Variants in LTF observed in about 807,000 individuals in gnomAD.
LTF encodes the protein lactotransferrin, also known as epididymis luminal protein 110.
A neutral mutation model predicts 87.2 loss-of-function variants in LTF; 91 were observed. The observed-to-expected ratio is 1.04, with a 90% CI of 0.88 to 1.24. The LOEUF (loss-of-function observed/expected upper bound fraction) is 1.24. LTF is among the 50% of genes most tolerant of loss of function. The pLI, the probability that LTF is intolerant of heterozygous loss-of-function variation, is 0.00. For missense variants in LTF, 901 were observed against 904.3 expected (o/e 1.00, Z 0.05); for synonymous variants, 378 against 356.1 (o/e 1.06, Z -0.69).
rs142148325 is a variant in LTF at position 46,439,342 on chromosome 3, C to A, written c.1862G>T (p.Arg621Leu). ...TTTCAGGCGTTCCACCTTATCCATCCGAGACACCACGGCATGATTCGGGGC... is the reference window on the plus strand; with the variant it reads ...TTTCAGGCGTTCCACCTTATCCATCAGAGACACCACGGCATGATTCGGGGC... ...AMAPNHAVVSRMDKVERLKQV... is the reference protein window; with the variant it reads ...AMAPNHAVVSLMDKVERLKQV... Residue 621 changes from arginine (R) to leucine (L), a missense_variant, in exon 15 of 17, where the codon CGG becomes CTG. Transcript: ENST00000231751. The A allele has an allele frequency of 3.1e-6, 5 of 1,614,006 alleles. No individual in the cohort carries two copies. The highest frequency in any genetic ancestry group is 3.3e-5 in the Admixed American group (2 of 60,002).
intron 6 of LTF, among the ~76,000 whole-genome samples, chr3:46,451,788 T>C (rs1336021395): frequency 6.6e-6 from 1 of 151,890 alleles, no homozygotes; most frequent in Admixed American, 6.6e-5. Flanking sequence ...AGAGATGGGG[T>C]TTCACCATGT....
intron 1 of LTF, among the ~76,000 whole-genome samples, chr3:46,479,508 C>CTGTTTGTTTGTT (rs56170464): frequency 3.3e-5 from 5 of 150,650 alleles, no homozygotes; most frequent in African/African-American, 1.2e-4. Flanking sequence ...AGTGGCTTTT[C>CTGTTTGTTTGTT]TGTTTGTTTG....
rs1702723096 is a variant in LTF at position 46,448,857 on chromosome 3, C to G, written c.1212+6G>C. ...CACCGCCCGCCCCTGTGATGGAGCT[C>G]CCTACCAGCACCAGGGCGATGCAGT... is the stretch of plus-strand genomic sequence containing the variant. On this transcript the variant is annotated splice_donor_region_variant and intron_variant, in intron 9 of 16. Coordinates refer to ENST00000231751, the MANE Select transcript of LTF (RefSeq NM_002343.6). 3 of 1,612,100 alleles carry G rather than the reference C, an allele frequency of 1.9e-6. No homozygotes were observed. Among genetic ancestry groups the G allele is most frequent in the African/African-American group, 1.3e-5 (1 of 74,788 alleles).
chr3:46,475,515 A>AACAC lies in LTF; in HGVS notation c.-319-5053_-319-5050dup, dbSNP rs59984149. Reference sequence around the variant, plus strand: ...GTCACTTTCATCTGCTCTCCCCCTAAACACACACACACACACACACACACA... The same window carrying AACAC: ...GTCACTTTCATCTGCTCTCCCCCTAAACACACACACACACACACACACACACACA... On this transcript the variant is annotated intron_variant, in intron 1 of 19. Transcript: ENST00000443496. Among the ~76,000 whole-genome samples the AACAC allele has an allele frequency of 7.2e-3, 940 of 131,048 alleles. 8 individuals are homozygous for AACAC. The highest frequency in any genetic ancestry group is 0.012 in the Middle Eastern group (3 of 254). The allele number at this position is 131,048 out of a possible 152,430, so 86.0% of individuals were successfully genotyped here.
chr3:46,437,958 T>C lies in LTF; in HGVS notation c.2080A>G (p.Lys694Glu). ...PQYVAGITNL[K>E]KCSTSPLLEA... Reference sequence around the variant, plus strand: ...TACTTACGGGAGGTTGAGCACTTTTTCAGATTAGTAATGCCTGCGACATAC... The same window carrying C: ...TACTTACGGGAGGTTGAGCACTTTTCCAGATTAGTAATGCCTGCGACATAC... Residue 694 changes from lysine to glutamate, a missense_variant, in exon 16 of 17, where the codon AAA becomes GAA. Physicochemically the swap from Lys to Glu is moderately conservative, Grantham distance 56. Coordinates refer to ENST00000231751, the MANE Select transcript of LTF (RefSeq NM_002343.6). The C allele has an allele frequency of 6.2e-7, 1 of 1,614,082 alleles. No homozygotes were observed. Among genetic ancestry groups the C allele is most frequent in the South Asian group, 1.1e-5 (1 of 91,056 alleles).
In LTF at chr3:46,450,690, G is replaced by A; in HGVS notation, c.704-17C>T. The stretch of plus-strand genomic sequence containing the variant: ...ACAGGTCCTCTGCAGGGAAGGTGAG[G>A]TGGGAGGGAGTCTAGATAAGCCGAC... On this transcript the variant is annotated splice_polypyrimidine_tract_variant and intron_variant, in intron 6 of 16. Transcript: ENST00000231751. 6.2e-7 allele frequency: 1 copy of A among 1,601,016 alleles called. No homozygotes were observed. Among genetic ancestry groups the A allele is most frequent in the African/African-American group, 1.3e-5 (1 of 74,764 alleles).
intron 6 of LTF, among the ~76,000 whole-genome samples, chr3:46,450,898 A>C (rs1702788264): frequency 6.6e-6 from 1 of 152,168 alleles, no homozygotes; most frequent in Admixed American, 6.5e-5. Context: ...TAAATCACTT[A>C]GGCCACCCTG....
chr3:46,443,457 A>C lies in LTF; in HGVS notation c.1639T>G (p.Tyr547Asp). ...VPNSNERYYGYTGAFRCLAEN... is the reference protein window; with the variant it reads ...VPNSNERYYGDTGAFRCLAEN... ...CAGACTCACCGGAAAGCCCCAGTGT[A>C]GCCGTAGTATCTCTCGTTGCTGTTG... Residue 547 changes from tyrosine (Y) to aspartate (D), a missense_variant, in exon 13 of 17, where the codon TAC (tyrosine) becomes GAC (aspartate). Transcript: ENST00000231751. 2 of 1,614,226 alleles carry C rather than the reference A, an allele frequency of 1.2e-6. No individual in the cohort carries two copies. The highest frequency in any genetic ancestry group is 1.7e-6 in the Non-Finnish European group (2 of 1,180,044).
chr3:46,455,878 G>T lies in LTF; in HGVS notation c.417C>A (p.Arg139=), dbSNP rs61740465. The T allele has an allele frequency of 9.8e-4, 1,576 of 1,613,694 alleles. 12 individuals are homozygous for T. In the African/African-American group the frequency reaches 0.017, roughly 17 times the overall value. The change falls in exon 4 of 17, where the codon CGC becomes CGA. Residue 139 remains arginine, a synonymous_variant. Transcript: ENST00000231751. ...TAGGGACATTCCATCCAGCGGTCCTGCGAAGGCCTGTGTGGCAGGACTTCA... is the reference window on the plus strand; with the variant it reads ...TAGGGACATTCCATCCAGCGGTCCTTCGAAGGCCTGTGTGGCAGGACTTCA... ...QGLKSCHTGL[R]RTAGWNVPIG...
chr3:46,446,120 G>A (rs1366564719), intron 11 of LTF, among the ~76,000 whole-genome samples: 1 of 152,130 alleles, frequency 6.6e-6, no homozygotes, highest in Non-Finnish European at 1.5e-5. Flanking sequence ...CTATGGCTGT[G>A]AGTGAGATCC....
chr3:46,476,792 T>G (rs1703364072), intron 1 of LTF, among the ~76,000 whole-genome samples: 1 of 152,250 alleles, frequency 6.6e-6, no homozygotes, highest in African/African-American at 2.4e-5. Context: ...TAAATGGAAT[T>G]GTATAGAAGG....
intron 1 of LTF, chr3:46,484,961 C>G (rs1166746056): frequency 1.3e-5 from 2 of 152,310 alleles, no homozygotes; most frequent in Non-Finnish European, 2.9e-5. Flanking sequence ...GCAGAGCCAG[C>G]TCCTCTGGCT....
chr3:46,475,210 AC>A (rs1445465050), intron 1 of LTF, among the ~76,000 whole-genome samples: 3 of 152,212 alleles, frequency 2.0e-5, no homozygotes, highest in Non-Finnish European at 4.4e-5. Flanking sequence ...CTCCAAAAAA[AC>A]AAACTATTGC....
chr3:46,446,504 A>G lies in LTF; in HGVS notation c.1304-11T>C. The G allele has an allele frequency of 6.2e-7, 1 of 1,613,032 alleles. No homozygotes were observed. The highest frequency in any genetic ancestry group is 8.5e-7 in the Non-Finnish European group (1 of 1,179,084). On this transcript the variant is annotated splice_polypyrimidine_tract_variant and intron_variant, in intron 10 of 16. Transcript: ENST00000231751. ...TGCTTTGTTGGGATTCTGAAAGAAT[A>G]AAGACAAGCCAGACATCATTATCCA...
chr3:46,457,922 C>T (rs1452518518), intron 2 of LTF, among the ~76,000 whole-genome samples: 3 of 150,534 alleles, frequency 2.0e-5, no homozygotes, highest in Non-Finnish European at 4.4e-5. Flanking sequence ...GGACTACAGG[C>T]GTGTGCCACC....
intron 8 of LTF, among the ~76,000 whole-genome samples, chr3:46,449,359 G>A (rs1355912989): frequency 1.3e-5 from 2 of 152,138 alleles, no homozygotes; most frequent in African/African-American, 4.8e-5. Flanking sequence ...AGATGGCCTA[G>A]GGGACCTTGA....
In LTF at chr3:46,447,339, A is replaced by T. The variant is rs777999333; in HGVS notation, c.1272T>A (p.Cys424Ter). ...DGGYVYTAGK[C>*]GLVPVLAENY... Reference sequence around the variant, plus strand: ...TCTCTGCCAGGACAGGCACCAAACCACATTTGCCTGCAGTGTACACATATC... The same window carrying T: ...TCTCTGCCAGGACAGGCACCAAACCTCATTTGCCTGCAGTGTACACATATC... Residue 424 changes from cysteine to a stop codon, truncating the protein, a stop_gained, in exon 10 of 17, where the codon TGT becomes TGA. Coordinates refer to ENST00000231751, the MANE Select transcript of LTF (RefSeq NM_002343.6). LOFTEE classifies it high-confidence loss of function. 9.9e-6 allele frequency: 16 copies of T among 1,614,074 alleles called. No homozygotes were observed. The Admixed American group carries it at 2.7e-4, about 27-fold the overall frequency.
intron 1 of LTF, among the ~76,000 whole-genome samples, chr3:46,476,903 A>G (rs565735800): frequency 3.2e-4 from 49 of 152,362 alleles, no homozygotes; most frequent in African/African-American, 1.2e-3. Flanking sequence ...ATCTTTATGT[A>G]TGTGAGTGTA....
chr3:46,480,949 C>G (rs954526782), intron 1 of LTF, among the ~76,000 whole-genome samples: 4 of 152,190 alleles, frequency 2.6e-5, no homozygotes, highest in East Asian at 3.8e-4. Context: ...CAGCCCTGGA[C>G]AGCAGGTACA....
Sources: gnomAD v4.1 joint callset for allele counts (sites outside exome capture counted in the v4.1 genomes callset) on GRCh38, gnomAD v4.1.1 for gene constraint, MANE v1.5 for transcripts, NCBI Gene and HGNC (gene_info 2026-07-23, HGNC 2026-07-21) for gene names.